ADK: variants seen among roughly 807,000 people sequenced by gnomAD.
The protein encoded by ADK is adenosine kinase.
In ADK, 24 loss-of-function variants were observed where a neutral mutation model predicts 44.7. That is an observed-to-expected ratio of 0.54 (90% confidence interval 0.39 to 0.76). The LOEUF (loss-of-function observed/expected upper bound fraction) is 0.76, where lower values mean the gene tolerates loss of function less well. Among genes scored for constraint, ADK ranks in the 30% least tolerant of loss-of-function variants. ADK has a pLI of 0.00. For synonymous variants in ADK, 128 were observed against 142.6 expected, an observed-to-expected ratio of 0.90 and a Z score of 0.73; for missense variants, 321 against 425.1, an observed-to-expected ratio of 0.76 and a Z score of 2.15.
At chr10:74,360,763 C>A (rs1842307126) in intron 4 of ADK, among the ~76,000 whole-genome samples, 1 of 152,144 alleles carries the variant, frequency 6.6e-6, no homozygotes, top group Non-Finnish European at 1.5e-5. Context: ...GGTATTCCTG[C>A]CCTTTTCTGG....
intron 7 of ADK, among the ~76,000 whole-genome samples, chr10:74,561,477 A>G (rs1294372581): frequency 6.6e-6 from 1 of 152,216 alleles, no homozygotes; most frequent in Non-Finnish European, 1.5e-5. Context: ...ATAACCGTTC[A>G]TTTATTTAAA....
intron 4 of ADK, among the ~76,000 whole-genome samples, chr10:74,342,779 T>TTG (rs757212421): frequency 0.14 from 20,352 of 141,324 alleles, 1,451 homozygotes; most frequent in African/African-American, 0.16. Context: ...CTAGCTCAGT[T>TTG]TGTGTGTGTG....
At chr10:74,178,764 CTG>C (rs1842435192) in intron 1 of ADK, among the ~76,000 whole-genome samples, 1 of 152,148 alleles carries the variant, frequency 6.6e-6, no homozygotes, top group African/African-American at 2.4e-5. Flanking sequence ...AGATGTCAGT[CTG>C]TATTTTACAT....
intron 7 of ADK, among the ~76,000 whole-genome samples, chr10:74,570,249 C>A (rs1256336016): frequency 6.6e-6 from 1 of 152,014 alleles, no homozygotes; most frequent in African/African-American, 2.4e-5. Flanking sequence ...ATTGACTTGG[C>A]GATGCGGGCT....
rs969733513 is a variant in ADK, at chr10:74,608,946, G to A, written c.877+8453G>A. On this transcript the variant is annotated intron_variant, in intron 9 of 10. Coordinates refer to ENST00000539909, the MANE Select transcript of ADK (RefSeq NM_006721.4). ...CCAGAGAGGAGGAATCTAGAGAGGC[G>A]GTCTGGCTACAGTGGCTTTTCCAAG... Among the ~76,000 whole-genome samples, 12 of 152,220 alleles carry A rather than the reference G, an allele frequency of 7.9e-5. No homozygotes were observed. In the East Asian group the frequency reaches 1.7e-3, roughly 22 times the overall value.
intron 6 of ADK, among the ~76,000 whole-genome samples, chr10:74,463,917 A>G (rs1286281039): frequency 6.6e-6 from 1 of 152,170 alleles, no homozygotes. Context: ...TGTTATTTGA[A>G]AACATACAGA....
chr10:74,655,447 C>T (rs1345423149), intron 9 of ADK: 1 of 450,112 alleles, frequency 2.2e-6, no homozygotes, highest in Non-Finnish European at 4.4e-6. Context: ...TCATTGATGA[C>T]CCTGGGCTGA....
chr10:74,486,221 GCT>G (rs112076951), intron 6 of ADK, among the ~76,000 whole-genome samples: 32 of 149,328 alleles, frequency 2.1e-4, no homozygotes, highest in Non-Finnish European at 2.2e-4. Flanking sequence ...ACACTTGCAC[GCT>G]CTCTCTCTCT....
At chr10:74,513,548 G>A (rs1848433871) in intron 6 of ADK, among the ~76,000 whole-genome samples, 1 of 152,002 alleles carries the variant, frequency 6.6e-6, no homozygotes, top group Admixed American at 6.5e-5. Flanking sequence ...TATAATTATA[G>A]CTATTCCTGT....
chr10:74,220,421 A>G (rs1844259550), intron 2 of ADK, among the ~76,000 whole-genome samples: 1 of 152,142 alleles, frequency 6.6e-6, no homozygotes, highest in Non-Finnish European at 1.5e-5. Flanking sequence ...ATGGATTCAC[A>G]GCCGAATTCT....
chr10:74,302,253 T>C (rs1452650591), intron 3 of ADK, among the ~76,000 whole-genome samples: 1 of 149,952 alleles, frequency 6.7e-6, no homozygotes, highest in Non-Finnish European at 1.5e-5. Context: ...CTCAGCCTCC[T>C]GAGTAGTTAC....
chr10:74,642,827 C>CTTTTTTTT (rs770015945), intron 9 of ADK, among the ~76,000 whole-genome samples: 6 of 77,484 alleles, frequency 7.7e-5, no homozygotes, highest in African/African-American at 9.2e-5. Context: ...ATCTTAAGTT[C>CTTTTTTTT]TTTTTTTTTT....
At chr10:74,393,643 C>T (rs1184515993) in intron 4 of ADK, among the ~76,000 whole-genome samples, 1 of 152,154 alleles carries the variant, frequency 6.6e-6, no homozygotes, top group Non-Finnish European at 1.5e-5. Flanking sequence ...TTCAATTAGT[C>T]CTCAACGACC....
chr10:74,378,100 A>C (rs867626196), intron 4 of ADK, among the ~76,000 whole-genome samples: 1 of 151,268 alleles, frequency 6.6e-6, no homozygotes, highest in African/African-American at 2.4e-5. Context: ...TCTACCTCAT[A>C]GGTTTATAAT....
chr10:74,705,560 G>A (rs1037808356), intron 10 of ADK, among the ~76,000 whole-genome samples: 1 of 152,136 alleles, frequency 6.6e-6, no homozygotes, highest in Non-Finnish European at 1.5e-5. Flanking sequence ...CTTTTGGATT[G>A]TTTCCAGTTT....
At chr10:74,474,314 C>T (rs1042869261) in intron 6 of ADK, among the ~76,000 whole-genome samples, 5 of 152,028 alleles carry the variant, frequency 3.3e-5, no homozygotes, top group Non-Finnish European at 7.4e-5. Context: ...TGTTACCGAG[C>T]CTAGTCTCAA....
At chr10:74,188,853 A>G (rs1472472853) in intron 1 of ADK, among the ~76,000 whole-genome samples, 1 of 151,974 alleles carries the variant, frequency 6.6e-6, no homozygotes, top group Admixed American at 6.6e-5. Flanking sequence ...GTTTACTGCA[A>G]CCTTCGCCTC....
At chr10:74,162,261 C>T (rs573439714) in intron 1 of ADK, among the ~76,000 whole-genome samples, 159 of 151,804 alleles carry the variant, frequency 1.0e-3, no homozygotes, top group African/African-American at 3.7e-3. Flanking sequence ...CCTTGTGATC[C>T]GCCCACCTTG....
At chr10:74,248,602 C>T (rs553703086) in intron 3 of ADK, among the ~76,000 whole-genome samples, 1 of 152,298 alleles carries the variant, frequency 6.6e-6, no homozygotes, top group African/African-American at 2.4e-5. Context: ...GATTTGCCTG[C>T]CTTGGCCTCC....
Sources: gnomAD v4.1 joint callset for allele counts (sites outside exome capture counted in the v4.1 genomes callset) on GRCh38, gnomAD v4.1.1 for gene constraint, MANE v1.5 for transcripts, NCBI Gene and HGNC (gene_info 2026-07-23, HGNC 2026-07-21) for gene names.